Variants in AKAP6 observed in about 807,000 individuals in gnomAD.
AKAP6 encodes A-kinase anchoring protein 6, also known as A-kinase anchor protein 6.
In AKAP6, 58 loss-of-function variants were observed where a neutral mutation model predicts 188.5. That is an observed-to-expected ratio of 0.31 (90% CI 0.25 to 0.38). The LOEUF is 0.38. Ranked by LOEUF, AKAP6 falls within the 10% of genes least tolerant of loss-of-function variation. The pLI, the probability that AKAP6 is intolerant of heterozygous loss-of-function variation, is 1.00. For missense variants in AKAP6, 2,710 were observed against 2,740.0 expected (o/e 0.99, Z 0.24); for synonymous variants, 989 against 998.6 (o/e 0.99, Z 0.18).
chr14:32,470,934 AT>A (rs1322370834), intron 2 of AKAP6, among the ~76,000 whole-genome samples: 3 of 152,224 alleles, frequency 2.0e-5, no homozygotes, highest in African/African-American at 7.2e-5. Context: ...AATTTAGTTA[AT>A]TTTCCTAAGA....
intron 8 of AKAP6, among the ~76,000 whole-genome samples, chr14:32,680,130 A>G (rs1889611535): frequency 6.6e-6 from 1 of 152,182 alleles, no homozygotes; most frequent in Admixed American, 6.5e-5. Flanking sequence ...TTAGTTAACA[A>G]CAAGCATTGT....
At chr14:32,743,231 C>A (rs1268470558) in intron 11 of AKAP6, among the ~76,000 whole-genome samples, 1 of 152,078 alleles carries the variant, frequency 6.6e-6, no homozygotes, top group Non-Finnish European at 1.5e-5. Flanking sequence ...CTTTTTCTGT[C>A]CCTATACTTT....
At chr14:32,501,497 T>G (rs536467063) in intron 2 of AKAP6, among the ~76,000 whole-genome samples, 45 of 152,252 alleles carry the variant, frequency 3.0e-4, no homozygotes, top group Admixed American at 4.6e-4. Context: ...CACGTTCCAT[T>G]GGCCAGTATT....
At chr14:32,429,670 A>T (rs1446909742) in intron 1 of AKAP6, among the ~76,000 whole-genome samples, 1 of 152,236 alleles carries the variant, frequency 6.6e-6, no homozygotes, top group Admixed American at 6.5e-5. Context: ...GTATATGTGA[A>T]GGAAAGTAAA....
At chr14:32,640,637 C>T (rs557290729) in intron 7 of AKAP6, among the ~76,000 whole-genome samples, 1 of 152,144 alleles carries the variant, frequency 6.6e-6, no homozygotes, top group Non-Finnish European at 1.5e-5. Context: ...GACCAACTTG[C>T]TCTTGCCTGT....
intron 12 of AKAP6, among the ~76,000 whole-genome samples, chr14:32,797,020 A>G (rs1055481708): frequency 1.3e-5 from 2 of 152,236 alleles, no homozygotes; most frequent in African/African-American, 4.8e-5. Flanking sequence ...GTGAACTAAT[A>G]TGAAAAAAGC....
intron 1 of AKAP6, among the ~76,000 whole-genome samples, chr14:32,334,103 T>G (rs1886615362): frequency 6.6e-6 from 1 of 152,030 alleles, no homozygotes; most frequent in Admixed American, 6.6e-5. Flanking sequence ...CTGAGTGTGG[T>G]TTTTCAGAGG....
intron 1 of AKAP6, among the ~76,000 whole-genome samples, chr14:32,357,478 C>A (rs542009794): frequency 1.3e-5 from 2 of 152,024 alleles, no homozygotes; most frequent in African/African-American, 4.8e-5. Context: ...AAATGTTTAT[C>A]GAGTTGAGGT....
chr14:32,429,542 T>C (rs1283465456), intron 1 of AKAP6, among the ~76,000 whole-genome samples: 9 of 152,210 alleles, frequency 5.9e-5, no homozygotes, highest in East Asian at 1.9e-4. Context: ...CTACTAAAAA[T>C]TGAAAAATGT....
intron 4 of AKAP6, among the ~76,000 whole-genome samples, chr14:32,549,715 G>T (rs1346342357): frequency 6.6e-6 from 1 of 152,206 alleles, no homozygotes; most frequent in Non-Finnish European, 1.5e-5. Flanking sequence ...CCGGAAGGGA[G>T]GATTTTTTCA....
intron 5 of AKAP6, among the ~76,000 whole-genome samples, chr14:32,593,778 T>A (rs1402508731): frequency 6.6e-6 from 1 of 152,116 alleles, no homozygotes; most frequent in East Asian, 1.9e-4. Context: ...GGCACACACT[T>A]GAGGCAAAAG....
chr14:32,467,075 T>C (rs1229658263), intron 2 of AKAP6, among the ~76,000 whole-genome samples: 1 of 151,246 alleles, frequency 6.6e-6, no homozygotes, highest in East Asian at 1.9e-4. Context: ...AGGGTACGGA[T>C]GGAAAAACTA....
At chr14:32,483,693 A>G (rs1392281855) in intron 2 of AKAP6, among the ~76,000 whole-genome samples, 1 of 152,074 alleles carries the variant, frequency 6.6e-6, no homozygotes, top group Admixed American at 6.6e-5. Context: ...CATGTTGGTC[A>G]GGCTGGTCTT....
At chr14:32,468,316 C>G (rs1012581407) in intron 2 of AKAP6, among the ~76,000 whole-genome samples, 4 of 152,148 alleles carry the variant, frequency 2.6e-5, no homozygotes, top group South Asian at 2.1e-4. Flanking sequence ...TACTCTGTGC[C>G]TTTTGAGTTG....
At chr14:32,378,515 A>T (rs562109786) in intron 1 of AKAP6, among the ~76,000 whole-genome samples, 1 of 152,302 alleles carries the variant, frequency 6.6e-6, no homozygotes, top group South Asian at 2.1e-4. Flanking sequence ...GTGGGAGCTC[A>T]TTTCTGGAAG....
intron 8 of AKAP6, among the ~76,000 whole-genome samples, chr14:32,695,500 T>C (rs1890366347): frequency 6.6e-6 from 1 of 152,208 alleles, no homozygotes; most frequent in Admixed American, 6.5e-5. Context: ...AGAAATTAGT[T>C]AAATTGTTAT....
intron 7 of AKAP6, among the ~76,000 whole-genome samples, chr14:32,641,469 TAAAA>T (rs35618540): frequency 5.8e-5 from 7 of 119,850 alleles, no homozygotes; most frequent in Admixed American, 8.7e-5. Context: ...GAAACCCTGC[TAAAA>T]AAAAAAAAAA....
chr14:32,732,301 T>A (rs1419670753), intron 9 of AKAP6, 153 bp from the exon 10 acceptor site: 1 of 216,368 alleles, frequency 4.6e-6, no homozygotes, highest in Non-Finnish European at 7.9e-6. Flanking sequence ...GCAATATTCT[T>A]CATCTACTCA....
chr14:32,545,157 A>G (rs1394098808), intron 3 of AKAP6, 73 bp from the exon 4 acceptor site: 2 of 1,458,398 alleles, frequency 1.4e-6, no homozygotes, highest in Admixed American at 1.8e-5. Context: ...CTGTACTGCA[A>G]TTTCATTTAC....
Sources: allele counts gnomAD v4.1 joint callset (sites outside exome capture counted in the v4.1 genomes callset), GRCh38; gene constraint gnomAD v4.1.1; transcripts MANE v1.5; gene names NCBI Gene and HGNC (gene_info 2026-07-23, HGNC 2026-07-21).